Variants in ANKRD52 observed in about 807,000 individuals in gnomAD.
ANKRD52 encodes ankyrin repeat domain 52.
In ANKRD52, 7 loss-of-function variants were observed where a neutral mutation model predicts 116.0. That is an observed-to-expected ratio of 0.06 (90% CI 0.03 to 0.11). The LOEUF is 0.11. ANKRD52 is among the 10% of genes least tolerant of loss of function. The pLI is 1.00. For missense variants in ANKRD52, 839 were observed against 1,408.6 expected, an observed-to-expected ratio of 0.60 and a Z score of 6.47; for synonymous variants, 528 against 578.1, an observed-to-expected ratio of 0.91 and a Z score of 1.24.
Position 56,248,610 on chromosome 12 carries a change from A to C in ANKRD52, c.1705-44T>G. 6.5e-7 allele frequency: 1 copy of C among 1,546,096 alleles called. No individual in the cohort carries two copies. Among genetic ancestry groups the C allele is most frequent in the South Asian group, 1.2e-5 (1 of 84,544 alleles). ...TAGGTGCTGAGACTCTGGAACTCCCAAGATAGTACCCCAGTCCCCGACTCG... is the reference window on the plus strand; with the variant it reads ...TAGGTGCTGAGACTCTGGAACTCCCCAGATAGTACCCCAGTCCCCGACTCG... On this transcript the variant is annotated intron_variant, in intron 16 of 27. Coordinates refer to ENST00000267116, the MANE Select transcript of ANKRD52 (RefSeq NM_173595.4). The surrounding 1 kb of genome is among the most constrained non-coding windows in gnomAD (Gnocchi z 5.1).
Position 56,243,909 on chromosome 12 carries a change from C to T in ANKRD52, c.2889-33G>A. ...AAAAGGAAAAAGAAGGAGCTTGATG[C>T]TAAGCTGCCCTTCCACCTCCAGACA... is the stretch of plus-strand genomic sequence containing the variant. On this transcript the variant is annotated intron_variant, in intron 26 of 27. Transcript: ENST00000267116. This position sits in a 1 kb window ranked among gnomAD's most constrained non-coding sequence, Gnocchi z 4.6. The T allele has an allele frequency of 6.3e-7, 1 of 1,585,018 alleles. No individual in the cohort carries two copies. Among genetic ancestry groups the T allele is most frequent in the Non-Finnish European group, 8.6e-7 (1 of 1,165,036 alleles).
chr12:56,252,400 A>T lies in ANKRD52; in HGVS notation c.1371-85T>A. 4 of 1,595,606 alleles carry T rather than the reference A, an allele frequency of 2.5e-6. No homozygotes were observed. Among genetic ancestry groups the T allele is most frequent in the South Asian group, 1.1e-5 (1 of 90,602 alleles). ...GATGTGCAGCCAAATGCTGCTTTGT[A>T]ACATTCTCCTTATTTAAGTCTCCAA... is the stretch of plus-strand genomic sequence containing the variant. On this transcript the variant is annotated intron_variant, in intron 13 of 27. Coordinates refer to ENST00000267116, the MANE Select transcript of ANKRD52 (RefSeq NM_173595.4). This position sits in a 1 kb window ranked among gnomAD's most constrained non-coding sequence, Gnocchi z 4.7.
At position 56,248,186 on chromosome 12, in the gene ANKRD52, C is replaced by T. The variant is rs772476487; in HGVS notation, c.1815G>A (p.Ala605=). Residue 605 remains alanine, a synonymous_variant, in exon 18 of 28, where the codon GCG becomes GCA. Transcript: ENST00000267116. This position sits in a 1 kb window ranked among gnomAD's most constrained non-coding sequence, Gnocchi z 5.1. ...TTACGTCCAGATTCACCAGCGTCTC[C>T]GCCAGCGTCTTCAAGGCTTCACAGT... ...NGHCEALKTL[A]ETLVNLDVRD... is the part of the protein sequence containing the mutation. 5.4e-5 allele frequency: 87 copies of T among 1,613,822 alleles called. No homozygotes were observed. The highest frequency in any genetic ancestry group is 9.9e-5 in the South Asian group (9 of 91,086).
Position 56,258,347 on chromosome 12 carries a change from G to A in ANKRD52, c.-78C>T, listed in dbSNP as rs1182077199. The A allele has an allele frequency of 7.2e-7, 1 of 1,388,534 alleles. No individual in the cohort carries two copies. The highest frequency in any genetic ancestry group is 1.5e-5 in the African/African-American group (1 of 65,502). The allele number at this position is 1,388,534 out of a possible 1,614,324, so 86.0% of individuals were successfully genotyped here. A position where few individuals can be genotyped will look rare whatever the true frequency, so the allele number is the denominator to read the frequency against. On this transcript the variant is annotated 5_prime_UTR_variant, in exon 1 of 28. Coordinates refer to ENST00000267116, the MANE Select transcript of ANKRD52 (RefSeq NM_173595.4). The stretch of plus-strand genomic sequence containing the variant: ...TCCACCGGGGACACGGAGCGGCCCA[G>A]GCGGCGGCTGCGGTGGCGGCTGCAG...
Position 56,253,523 on chromosome 12 carries a change from A to C in ANKRD52, c.986-121T>G, listed in dbSNP as rs1378117486. 1 of 950,872 alleles carries C rather than the reference A, an allele frequency of 1.1e-6. No homozygotes were observed. The highest frequency in any genetic ancestry group is 1.6e-6 in the Non-Finnish European group (1 of 614,588). The allele number at this position is 950,872 out of a possible 1,614,324, so 58.9% of individuals were successfully genotyped here. A position where few individuals can be genotyped will look rare whatever the true frequency, so the allele number is the denominator to read the frequency against. Reference sequence around the variant, plus strand: ...TCAGGTGCCAGGCCCAGGATTCTACATATTTTATCCTGTTTCTAGGCCTTA... The same window carrying C: ...TCAGGTGCCAGGCCCAGGATTCTACCTATTTTATCCTGTTTCTAGGCCTTA... On this transcript the variant is annotated intron_variant, in intron 9 of 27. Coordinates refer to ENST00000267116, the MANE Select transcript of ANKRD52 (RefSeq NM_173595.4). This position sits in a 1 kb window ranked among gnomAD's most constrained non-coding sequence, Gnocchi z 5.5.
At chr12:56,256,467 C>T (rs1279008545) in intron 4 of ANKRD52, among the ~76,000 whole-genome samples, 1 of 152,204 alleles carries the variant, frequency 6.6e-6, no homozygotes. Context: ...AATGCCCCTC[C>T]TAACCACCAC....
chr12:56,252,302 A>G lies in ANKRD52; in HGVS notation c.1384T>C (p.Tyr462His). The change falls in exon 14 of 28, where the codon TAT becomes CAT. Residue 462 changes from tyrosine to histidine, a missense_variant. By Grantham distance (83) the Tyr-to-His change is moderately conservative (BLOSUM62 2). Transcript: ENST00000267116. This position sits in a 1 kb window ranked among gnomAD's most constrained non-coding sequence, Gnocchi z 4.7. The stretch of plus-strand genomic sequence containing the variant: ...TGGTAGCTACCGTTAGCAGCTGCAT[A>G]GTGCAGTGGGGTCCTGGGGAAGAAG... ...RDKFGRTPLH[Y>H]AAANGSYQCA... 6.2e-7 allele frequency: 1 copy of G among 1,613,926 alleles called. No homozygotes were observed. Among genetic ancestry groups the G allele is most frequent in the Non-Finnish European group, 8.5e-7 (1 of 1,179,814 alleles).
At chr12:56,245,728 TTTTG>T in intron 20 of ANKRD52, 132 bp from the exon 21 acceptor site, 1 of 869,198 alleles carries the variant, frequency 1.2e-6, no homozygotes, top group Non-Finnish European at 1.7e-6. Flanking sequence ...TTTTTTTTTT[TTTTG>T]GAGTCGGAGT....
At position 56,255,910 on chromosome 12, in the gene ANKRD52, A is replaced by G; in HGVS notation, c.336T>C (p.His112=). The G allele has an allele frequency of 1.3e-6, 2 of 1,573,342 alleles. No homozygotes were observed. The highest frequency in any genetic ancestry group is 1.7e-6 in the Non-Finnish European group (2 of 1,158,540). ...ARDKLWQTPL[H]VAAANRATKC... is the part of the protein sequence containing the mutation. Reference sequence around the variant, plus strand: ...TGGTGGCCCGGTTGGCAGCAGCCACATGCAGTGGTGTCTGCCACAGCTTGT... The same window carrying G: ...TGGTGGCCCGGTTGGCAGCAGCCACGTGCAGTGGTGTCTGCCACAGCTTGT... Residue 112 remains histidine (H), a synonymous_variant, in exon 5 of 28, where the codon CAT becomes CAC. Transcript: ENST00000267116. The surrounding 1 kb of genome is among the most constrained non-coding windows in gnomAD (Gnocchi z 4.3).
rs1592394174 is a variant in ANKRD52, at chr12:56,253,299, T to C, written c.1089A>G (p.Ala363=). 3.7e-6 allele frequency: 6 copies of C among 1,613,542 alleles called. No individual in the cohort carries two copies. Among genetic ancestry groups the C allele is most frequent in the East Asian group, 4.5e-5 (2 of 44,876 alleles). Residue 363 remains alanine (A), a synonymous_variant, in exon 10 of 28, where the codon GCA becomes GCG. Coordinates refer to ENST00000267116, the MANE Select transcript of ANKRD52 (RefSeq NM_173595.4). The surrounding 1 kb of genome is among the most constrained non-coding windows in gnomAD (Gnocchi z 5.5). ...LLISTLMTNG[A]DTARRGIHDM... Reference sequence around the variant, plus strand: ...GGGCCCTGACTCACCGGGCGGTATCTGCGCCATTGGTCATGAGGGTGCTGA... The same window carrying C: ...GGGCCCTGACTCACCGGGCGGTATCCGCGCCATTGGTCATGAGGGTGCTGA...
rs1160237373 is a variant in ANKRD52 at position 56,245,563 on chromosome 12, G to A, written c.2218C>T (p.Leu740=). ...AGCACAAATGCGTCGTGGTCCAGCA[G>A]GGCAGCCAGGCAGTCCTCACAGCCA... ...VTGCEDCLAA[L]LDHDAFVLCR... The change falls in exon 21 of 28, where the codon CTG becomes TTG. Residue 740 remains leucine, a synonymous_variant. Coordinates refer to ENST00000267116, the MANE Select transcript of ANKRD52 (RefSeq NM_173595.4). The A allele has an allele frequency of 6.2e-7, 1 of 1,607,630 alleles. No homozygotes were observed. The highest frequency in any genetic ancestry group is 8.5e-7 in the Non-Finnish European group (1 of 1,178,048).
chr12:56,245,204 AG>A lies in ANKRD52; in HGVS notation c.2405-15del, dbSNP rs774563073. ...AATCTTCATGTCCTGGGCACGAGGAAGGAAGAGTAGTGATGGAGAAAAACGG... is the reference window on the plus strand; with the variant it reads ...AATCTTCATGTCCTGGGCACGAGGAAGAAGAGTAGTGATGGAGAAAAACGG... On this transcript the variant is annotated splice_polypyrimidine_tract_variant and intron_variant, in intron 21 of 27. Transcript: ENST00000267116. 1 of 1,613,636 alleles carries A rather than the reference AG, an allele frequency of 6.2e-7. No homozygotes were observed. The highest frequency in any genetic ancestry group is 8.5e-7 in the Non-Finnish European group (1 of 1,179,656).
In ANKRD52 at chr12:56,244,401, A is replaced by G. The variant is rs544738788; in HGVS notation, c.2757T>C (p.Thr919=). The G allele has an allele frequency of 1.2e-6, 2 of 1,614,000 alleles. No homozygotes were observed. The highest frequency in any genetic ancestry group is 2.2e-5 in the South Asian group (2 of 91,080). Reference sequence around the variant, plus strand: ...CCGTGTTCTTGTTCTCATCCAACACAGTAAGGTCTGCCTTCCCTCGATACA... The same window carrying G: ...CCGTGTTCTTGTTCTCATCCAACACGGTAAGGTCTGCCTTCCCTCGATACA... ...FLLYRGKADL[T]VLDENKNTAL... is the part of the protein sequence containing the mutation. The change falls in exon 25 of 28, where the codon ACT becomes ACC. Residue 919 remains threonine, a synonymous_variant. Coordinates refer to ENST00000267116, the MANE Select transcript of ANKRD52 (RefSeq NM_173595.4). This position sits in a 1 kb window ranked among gnomAD's most constrained non-coding sequence, Gnocchi z 4.9.
Position 56,256,523 on chromosome 12 carries a change from G to C in ANKRD52, c.261+492C>G, listed in dbSNP as rs192830401. Among the ~76,000 whole-genome samples, 12 of 152,348 alleles carry C rather than the reference G, an allele frequency of 7.9e-5. No individual in the cohort carries two copies. The East Asian group carries it at 2.3e-3, about 29-fold the overall frequency. On this transcript the variant is annotated intron_variant, in intron 4 of 27. Coordinates refer to ENST00000267116, the MANE Select transcript of ANKRD52 (RefSeq NM_173595.4). Reference sequence around the variant, plus strand: ...TCGGCCCCTCCCCCTGGTGGCTGGAGCCAGGGAAGTGATGAACTGAGGAGG... The same window carrying C: ...TCGGCCCCTCCCCCTGGTGGCTGGACCCAGGGAAGTGATGAACTGAGGAGG...
rs1371765415 is a variant in ANKRD52, at chr12:56,242,037, C to T, written c.*1105G>A. 7.5e-6 allele frequency: 3 copies of T among 398,518 alleles called. No individual in the cohort carries two copies. Among genetic ancestry groups the T allele is most frequent in the African/African-American group, 4.1e-5 (2 of 48,622 alleles). The allele number at this position is 398,518 out of a possible 1,614,324, so 24.7% of individuals were successfully genotyped here. A position where few individuals can be genotyped will look rare whatever the true frequency, so the allele number is the denominator to read the frequency against. On this transcript the variant is annotated 3_prime_UTR_variant, in exon 28 of 28. Coordinates refer to ENST00000267116, the MANE Select transcript of ANKRD52 (RefSeq NM_173595.4). The surrounding 1 kb of genome is among the most constrained non-coding windows in gnomAD (Gnocchi z 4.3). ...TCCCTTGTCGGCCCTGCCCCTCCTACCATCTTTGGCTTCAGATCAGGAGTG... is the reference window on the plus strand; with the variant it reads ...TCCCTTGTCGGCCCTGCCCCTCCTATCATCTTTGGCTTCAGATCAGGAGTG...
chr12:56,256,137 A>G (rs1871941656), intron 4 of ANKRD52, among the ~76,000 whole-genome samples, 153 bp from the exon 5 acceptor site: 1 of 152,108 alleles, frequency 6.6e-6, no homozygotes, highest in Non-Finnish European at 1.5e-5. Flanking sequence ...CTGAATACCT[A>G]CTTTCCATCT....
intron 2 of ANKRD52, 31 bp from the exon 3 acceptor site, chr12:56,257,392 G>T: frequency 6.5e-7 from 1 of 1,549,146 alleles, no homozygotes; most frequent in Non-Finnish European, 8.8e-7. Context: ...AGGGAGTATG[G>T]GCGCGGGGTA....
chr12:56,244,575 G>C lies in ANKRD52; in HGVS notation c.2722+77C>G, dbSNP rs1467182269. The C allele has an allele frequency of 6.2e-7, 1 of 1,603,604 alleles. No homozygotes were observed. Among genetic ancestry groups the C allele is most frequent in the African/African-American group, 1.3e-5 (1 of 74,724 alleles). The stretch of plus-strand genomic sequence containing the variant: ...GCTTTCTGAACCCCAGCCCCAGCCA[G>C]CCTCCACAGGCAGGGCTGACCCATC... On this transcript the variant is annotated intron_variant, in intron 24 of 27. Transcript: ENST00000267116. The surrounding 1 kb of genome is among the most constrained non-coding windows in gnomAD (Gnocchi z 4.9).
At chr12:56,249,348 C>G (rs182807807) in intron 15 of ANKRD52, among the ~76,000 whole-genome samples, 20 of 152,272 alleles carry the variant, frequency 1.3e-4, no homozygotes, top group Admixed American at 4.6e-4. Flanking sequence ...TCTTCTCATA[C>G]CTTAGTAGTA....
Sources: allele counts gnomAD v4.1 joint callset (sites outside exome capture counted in the v4.1 genomes callset), GRCh38; gene constraint gnomAD v4.1.1; non-coding constraint Gnocchi (gnomAD v3.1); transcripts MANE v1.5; gene names NCBI Gene and HGNC (gene_info 2026-07-23, HGNC 2026-07-21).